LPAR1: variants seen among roughly 807,000 people sequenced by gnomAD.
LPAR1 encodes the protein lysophosphatidic acid receptor 1, also known as LPA receptor 1.
Under a neutral mutation model 23.8 loss-of-function variants are expected in LPAR1, and 5 were observed. The ratio of observed to expected loss-of-function variants is 0.21; its 90% confidence interval spans 0.11 to 0.44. The LOEUF is 0.44. Among genes scored for constraint, LPAR1 ranks in the 20% least tolerant of loss-of-function variants. LPAR1 has a pLI of 0.99. For synonymous variants in LPAR1, 160 were observed against 164.7 expected, an observed-to-expected ratio of 0.97 and a Z score of 0.22; for missense variants, 311 against 482.8, an observed-to-expected ratio of 0.64 and a Z score of 3.33.
intron 5 of LPAR1, among the ~76,000 whole-genome samples, chr9:110,928,359 A>G (rs1479362732): frequency 6.6e-6 from 1 of 152,210 alleles, no homozygotes; most frequent in Non-Finnish European, 1.5e-5. Flanking sequence ...TATTAATGTT[A>G]CTATCTCACT....
intron 4 of LPAR1, among the ~76,000 whole-genome samples, chr9:110,942,683 C>T (rs533798281): frequency 6.6e-6 from 1 of 152,326 alleles, no homozygotes; most frequent in South Asian, 2.1e-4. Context: ...TCATTCCAAA[C>T]ATTTCAAACA....
At chr9:110,977,854 A>C (rs868476797) in intron 2 of LPAR1, among the ~76,000 whole-genome samples, 1 of 60,390 alleles carries the variant, frequency 1.7e-5, no homozygotes, top group Non-Finnish European at 3.4e-5. Flanking sequence ...GAGGGAAGGA[A>C]GGAAGGAAGG....
At chr9:110,935,410 G>A (rs1361734030) in intron 5 of LPAR1, among the ~76,000 whole-genome samples, 2 of 104,478 alleles carry the variant, frequency 1.9e-5, no homozygotes, top group African/African-American at 8.9e-5. Context: ...ACCGACTCCA[G>A]CCTTAAAAAA....
rs909335356 is a variant in LPAR1 at position 110,874,420 on chromosome 9, C to T, written c.*1001G>A. The T allele has an allele frequency of 2.0e-5, 3 of 152,540 alleles. No homozygotes were observed. Among genetic ancestry groups the T allele is most frequent in the Non-Finnish European group, 4.4e-5 (3 of 68,016 alleles). The allele number at this position is 152,540 out of a possible 1,614,324, so 9.4% of individuals were successfully genotyped here. On this transcript the variant is annotated 3_prime_UTR_variant, in exon 6 of 6. Transcript: ENST00000683809. ...TTATGTAAAAAAAGTATACAATACACATATAGGCATACATGGGGGTTGCTT... is the reference window on the plus strand; with the variant it reads ...TTATGTAAAAAAAGTATACAATACATATATAGGCATACATGGGGGTTGCTT...
intron 4 of LPAR1, among the ~76,000 whole-genome samples, chr9:110,961,759 A>T (rs1187477908): frequency 6.6e-6 from 1 of 152,004 alleles, no homozygotes; most frequent in South Asian, 2.1e-4. Context: ...CAGGCAAGAG[A>T]GTGTGTACAG....
At chr9:111,017,044 C>T (rs183028360) in intron 2 of LPAR1, among the ~76,000 whole-genome samples, 90 of 152,284 alleles carry the variant, frequency 5.9e-4, no homozygotes, top group African/African-American at 2.1e-3. Context: ...CCTCCCAGCA[C>T]ATGAAGAGTT....
chr9:110,961,201 T>A (rs1325315184), intron 4 of LPAR1, among the ~76,000 whole-genome samples: 1 of 97,804 alleles, frequency 1.0e-5, no homozygotes, highest in African/African-American at 3.9e-5. Context: ...AATTCATTTA[T>A]AACCATTTTA....
intron 2 of LPAR1, among the ~76,000 whole-genome samples, chr9:111,018,013 G>C (rs922842912): frequency 6.6e-6 from 1 of 151,840 alleles, no homozygotes; most frequent in Admixed American, 6.6e-5. Flanking sequence ...GCAAGACTCT[G>C]TCTAAAAAAA....
In LPAR1 at chr9:110,903,882, C is replaced by CAAAAA. The variant is rs61456167; in HGVS notation, c.794-28165_794-28161dup. Among the ~76,000 whole-genome samples, 12 of 77,240 alleles carry CAAAAA rather than the reference C, an allele frequency of 1.6e-4. 1 individual carries two copies. Among genetic ancestry groups the CAAAAA allele is most frequent in the African/African-American group, 4.6e-4 (7 of 15,266 alleles). 50.7% of individuals were successfully genotyped at this position (77,240 alleles called of 152,430 possible). A position where few individuals can be genotyped will look rare whatever the true frequency, so the allele number is the denominator to read the frequency against. ...AATTAAAATTTTGATAAGTGAATTG[C>CAAAAA]AAAAAAAAAAAAAAAAAAAAAAGTC... is the stretch of plus-strand genomic sequence containing the variant. On this transcript the variant is annotated intron_variant, in intron 5 of 5. Transcript: ENST00000683809.
intron 2 of LPAR1, among the ~76,000 whole-genome samples, chr9:111,021,777 A>G (rs2097564227): frequency 6.6e-6 from 1 of 152,048 alleles, no homozygotes; most frequent in Non-Finnish European, 1.5e-5. Flanking sequence ...CCTGACCAAC[A>G]TGGTGAAACC....
At position 110,873,367 on chromosome 9, in the gene LPAR1, T is replaced by C. The variant is rs1023919890; in HGVS notation, c.*2054A>G. 1 of 152,220 alleles carries C rather than the reference T, an allele frequency of 6.6e-6. No individual in the cohort carries two copies. Among genetic ancestry groups the C allele is most frequent in the Non-Finnish European group, 1.5e-5 (1 of 68,034 alleles). The allele number at this position is 152,220 out of a possible 1,614,324, so 9.4% of individuals were successfully genotyped here. On this transcript the variant is annotated 3_prime_UTR_variant, in exon 6 of 6. Coordinates refer to ENST00000683809, the MANE Select transcript of LPAR1 (RefSeq NM_001351411.2). ...ACATGTGTAAAAGTCCACGTTCATT[T>C]CTTTCACTTCCAATATAAAGTATTC...
At chr9:110,879,579 C>T (rs2080154879) in intron 5 of LPAR1, among the ~76,000 whole-genome samples, 1 of 152,206 alleles carries the variant, frequency 6.6e-6, no homozygotes, top group African/African-American at 2.4e-5. Flanking sequence ...ACCCTAGCCA[C>T]ACATTACAAT....
intron 2 of LPAR1, among the ~76,000 whole-genome samples, chr9:111,005,604 T>C (rs576271023): frequency 7.2e-6 from 1 of 138,532 alleles, no homozygotes; most frequent in Admixed American, 7.2e-5. Context: ...GGAAGCAAAC[T>C]TCAGATTCCT....
chr9:110,937,170 G>C (rs976039617), intron 5 of LPAR1, among the ~76,000 whole-genome samples: 4 of 152,212 alleles, frequency 2.6e-5, no homozygotes, highest in South Asian at 2.1e-4. Flanking sequence ...AGGAAGAAAA[G>C]ATTGCTCCCT....
chr9:110,982,628 T>C (rs1487450403), intron 2 of LPAR1, among the ~76,000 whole-genome samples: 2 of 151,084 alleles, frequency 1.3e-5, no homozygotes, highest in Non-Finnish European at 3.0e-5. Context: ...AGTATAATAA[T>C]AAAAAATAAA....
At chr9:110,900,244 C>T (rs56071815) in intron 5 of LPAR1, among the ~76,000 whole-genome samples, 28 of 152,238 alleles carry the variant, frequency 1.8e-4, no homozygotes, top group Non-Finnish European at 3.5e-4. Flanking sequence ...CTTGACTTTT[C>T]CAGCTTCCAG....
At chr9:110,968,186 T>G (rs1056177716) in intron 4 of LPAR1, among the ~76,000 whole-genome samples, 5 of 152,190 alleles carry the variant, frequency 3.3e-5, no homozygotes, top group Admixed American at 2.6e-4. Context: ...CTGTAAAATC[T>G]CCAACTTTAT....
intron 5 of LPAR1, among the ~76,000 whole-genome samples, chr9:110,919,698 A>T (rs559567883): frequency 6.6e-6 from 1 of 152,344 alleles, no homozygotes; most frequent in African/African-American, 2.4e-5. Context: ...CTTAAACTAA[A>T]GCAGCTGTCA....
chr9:110,877,053 C>T (rs575638), intron 5 of LPAR1, among the ~76,000 whole-genome samples: 60,970 of 152,000 alleles, frequency 0.4, 12,487 homozygotes, highest in East Asian at 0.54. Flanking sequence ...GTAGGAGCAA[C>T]CCCAGAAGGG....
Sources: allele counts gnomAD v4.1 joint callset (sites outside exome capture counted in the v4.1 genomes callset), GRCh38; gene constraint gnomAD v4.1.1; transcripts MANE v1.5; gene names NCBI Gene and HGNC (gene_info 2026-07-23, HGNC 2026-07-21).